Variants in RDH12 observed in about 807,000 individuals in gnomAD.
The protein encoded by RDH12 is all-trans and 9-cis retinol dehydrogenase.
In RDH12, 21 loss-of-function variants were observed where a neutral mutation model predicts 34.0. The ratio of observed to expected loss-of-function variants is 0.62; its 90% CI spans 0.44 to 0.89. The LOEUF (loss-of-function observed/expected upper bound fraction) is 0.89, where lower values mean the gene tolerates loss of function less well. RDH12 is among the 40% of genes least tolerant of loss of function. The pLI is 0.00. For synonymous variants in RDH12, 198 were observed against 169.9 expected (o/e 1.17, Z -1.29); for missense variants, 394 against 398.6 (o/e 0.99, Z 0.10).
intron 3 of RDH12, among the ~76,000 whole-genome samples, chr14:67,723,069 C>A (rs2038143890): frequency 6.6e-6 from 1 of 152,104 alleles, no homozygotes; most frequent in African/African-American, 2.4e-5. Flanking sequence ...AGACTCTGTC[C>A]CTATTCAGGG....
At position 67,733,697 on chromosome 14, in the gene RDH12, G is replaced by C. The variant is rs761622657; in HGVS notation, c.849-49G>C. On this transcript the variant is annotated intron_variant, in intron 8 of 8. Coordinates refer to ENST00000551171, the MANE Select transcript of RDH12 (RefSeq NM_152443.3). ...GAGAAAGGGACCATAAAGATTTCCA[G>C]ACTGCTAATTCTCATTCCTGGAATT... 6.4e-6 allele frequency: 8 copies of C among 1,254,928 alleles called. No individual in the cohort carries two copies. The South Asian group carries it at 9.6e-5, about 15-fold the overall frequency. 77.7% of individuals were successfully genotyped at this position (1,254,928 alleles called of 1,614,324 possible). A position where few individuals can be genotyped will look rare whatever the true frequency, so the allele number is the denominator to read the frequency against.
intron 1 of RDH12, among the ~76,000 whole-genome samples, chr14:67,720,484 C>T (rs1019530647): frequency 1.1e-4 from 17 of 152,186 alleles, no homozygotes; most frequent in African/African-American, 4.1e-4. Context: ...CTCATACTTA[C>T]GTCTTTGAGG....
At chr14:67,709,205 A>T (rs1369196763) in intron 1 of RDH12, among the ~76,000 whole-genome samples, 1 of 152,238 alleles carries the variant, frequency 6.6e-6, no homozygotes. Flanking sequence ...AAATAGAATT[A>T]ATAGGTCATT....
At chr14:67,717,951 T>G (rs1312044101) in intron 1 of RDH12, 1 of 152,206 alleles carries the variant, frequency 6.6e-6, no homozygotes, top group Non-Finnish European at 1.5e-5. Context: ...TAAGGGTTGC[T>G]GATCCCTTGA....
At position 67,725,155 on chromosome 14, in the gene RDH12, GA is replaced by G; in HGVS notation, c.247del (p.Ile83SerfsTer40). The G allele has an allele frequency of 6.2e-7, 1 of 1,614,206 alleles. No individual in the cohort carries two copies. Among genetic ancestry groups the G allele is most frequent in the Non-Finnish European group, 8.5e-7 (1 of 1,180,028 alleles). Reference protein sequence around the residue: ...DVLKGESAASEIRVDTKNSQV... With the variant: ...DVLKGESAASXIRVDTKNSQV... ...ACTGAAGGGGGAGTCTGCTGCCAGT[GA>G]AATCCGAGTGGATACAAAGAACTCC... On this transcript the variant is annotated frameshift_variant, in exon 5 of 9. Coordinates refer to ENST00000551171, the MANE Select transcript of RDH12 (RefSeq NM_152443.3). LOFTEE classifies it high-confidence loss of function.
At position 67,720,061 on chromosome 14, in the gene RDH12, C is replaced by A. The variant is rs117133461; in HGVS notation, c.-274-787C>A. 4.4e-3 allele frequency among the ~76,000 whole-genome samples: 670 copies of A among 152,332 alleles called. 35 individuals are homozygous for A. The East Asian group carries it at 0.1, about 24-fold the overall frequency. On this transcript the variant is annotated intron_variant, in intron 1 of 8. Coordinates refer to ENST00000551171, the MANE Select transcript of RDH12 (RefSeq NM_152443.3). ...GACTCTCCCACGAGCAATGCATCAGCATTATTTCTTCACATGCTTGCCAGT... is the reference window on the plus strand; with the variant it reads ...GACTCTCCCACGAGCAATGCATCAGAATTATTTCTTCACATGCTTGCCAGT...
intron 8 of RDH12, 160 bp downstream of exon 8, chr14:67,729,540 T>C (rs145398788): frequency 0.013 from 9,160 of 723,106 alleles, 87 homozygotes; most frequent in Non-Finnish European, 0.018. Context: ...TAAGGAAACT[T>C]ACAGTACAAA....
At chr14:67,712,591 T>A (rs1371548932) in intron 1 of RDH12, among the ~76,000 whole-genome samples, 1 of 151,960 alleles carries the variant, frequency 6.6e-6, no homozygotes, top group African/African-American at 2.4e-5. Context: ...CCTTGGATGT[T>A]AGCTTTTAAT....
In RDH12 at chr14:67,727,098, A is replaced by G; in HGVS notation, c.566A>G (p.Gln189Arg). The G allele has an allele frequency of 6.2e-7, 1 of 1,614,216 alleles. No individual in the cohort carries two copies. The highest frequency in any genetic ancestry group is 8.5e-7 in the Non-Finnish European group (1 of 1,180,048). The change falls in exon 7 of 9, where the codon CAG (glutamine) becomes CGG (arginine). Residue 189 changes from glutamine (Q) to arginine (R), a missense_variant. Transcript: ENST00000551171. The part of the protein sequence containing the change: ...HIGKIPFHDL[Q>R]SEKRYSRGFA... ...GGCAAGATTCCCTTCCACGACCTCC[A>G]GAGCGAGAAGCGCTACAGCAGGGGT...
chr14:67,710,707 C>CT lies in RDH12; in HGVS notation c.-275+8780dup, dbSNP rs1196882563. ...CTTTGAATTAGACAAAAATTTTTCA[C>CT]TTTTTTTTAAAGGACACACTTTTTT... is the stretch of plus-strand genomic sequence containing the variant. On this transcript the variant is annotated intron_variant, in intron 1 of 8. Transcript: ENST00000551171. Among the ~76,000 whole-genome samples, 9 of 151,148 alleles carry CT rather than the reference C, an allele frequency of 6.0e-5. No individual in the cohort carries two copies. The East Asian group carries it at 9.7e-4, about 16-fold the overall frequency.
intron 1 of RDH12, chr14:67,706,177 C>T (rs1117516): frequency 0.45 from 68,197 of 152,120 alleles, 17,850 homozygotes; most frequent in Non-Finnish European, 0.61. Flanking sequence ...AAAATACAGG[C>T]GCTGATCAGT....
rs991387279 is a variant in RDH12, at chr14:67,725,014, T to A, written c.188-85T>A. ...AGGATGGCTGGGAGAATGAATGCTC[T>A]GTCCCCCAGTCCCAAGCTCACTTAC... On this transcript the variant is annotated intron_variant, in intron 4 of 8. Coordinates refer to ENST00000551171, the MANE Select transcript of RDH12 (RefSeq NM_152443.3). 4.9e-6 allele frequency: 7 copies of A among 1,440,096 alleles called. No individual in the cohort carries two copies. In the Admixed American group the frequency reaches 8.4e-5, roughly 17 times the overall value. 89.2% of individuals were successfully genotyped at this position (1,440,096 alleles called of 1,614,324 possible).
chr14:67,712,788 A>G (rs932161386), intron 1 of RDH12, among the ~76,000 whole-genome samples: 5 of 152,192 alleles, frequency 3.3e-5, no homozygotes, highest in African/African-American at 1.2e-4. Context: ...TAGCTATTGA[A>G]CTACAGGGTG....
rs376122737 is a variant in RDH12, at chr14:67,715,472, G to A, written c.-274-5376G>A. Among the ~76,000 whole-genome samples the A allele has an allele frequency of 3.0e-4, 46 of 152,290 alleles. 1 individual carries two copies. The highest frequency in any genetic ancestry group is 1.1e-3 in the African/African-American group (45 of 41,562). On this transcript the variant is annotated intron_variant, in intron 1 of 8. Transcript: ENST00000551171. The stretch of plus-strand genomic sequence containing the variant: ...ACCGATTGCTGTAAGCCCTTGAGTT[G>A]GCAGAAGCTTTGCACAGCTTTGCCC...
At position 67,722,519 on chromosome 14, in the gene RDH12, A is replaced by C; in HGVS notation, c.-124A>C. 2 of 825,096 alleles carry C rather than the reference A, an allele frequency of 2.4e-6. No homozygotes were observed. Among genetic ancestry groups the C allele is most frequent in the Non-Finnish European group, 4.3e-6 (2 of 461,232 alleles). The allele number at this position is 825,096 out of a possible 1,614,324, so 51.1% of individuals were successfully genotyped here. ...GTCAGGCTGCTGCTCAGCACCCAGG[A>C]CGGAGAGGAGCAGAGAAGCAGCAGA... On this transcript the variant is annotated 5_prime_UTR_variant, in exon 3 of 9. Coordinates refer to ENST00000551171, the MANE Select transcript of RDH12 (RefSeq NM_152443.3).
chr14:67,719,285 C>A (rs183938815), intron 1 of RDH12, among the ~76,000 whole-genome samples: 2 of 152,198 alleles, frequency 1.3e-5, no homozygotes, highest in African/African-American at 2.4e-5. Context: ...TAATCAGTAA[C>A]CTGACAATTA....
At chr14:67,713,397 C>CAT (rs1491446521) in intron 1 of RDH12, among the ~76,000 whole-genome samples, 3 of 47,630 alleles carry the variant, frequency 6.3e-5, no homozygotes, top group African/African-American at 2.2e-4. Flanking sequence ...AGTAAAACTC[C>CAT]AAAAAAAAAA....
chr14:67,722,689 A>G lies in RDH12; in HGVS notation c.47A>G (p.Tyr16Cys). Residue 16 changes from tyrosine (Y) to cysteine (C), a missense_variant, in exon 3 of 9, where the codon TAT (tyrosine) becomes TGT (cysteine). Coordinates refer to ENST00000551171, the MANE Select transcript of RDH12 (RefSeq NM_152443.3). ...CTCACCTCCTTCTTCTCGTTCCTGT[A>G]TATGGTAGCTCCATCCATCAGGTTT... ...GLLTSFFSFL[Y>C]MVAPSIRKFF... The G allele has an allele frequency of 6.2e-7, 1 of 1,613,894 alleles. No individual in the cohort carries two copies. Among genetic ancestry groups the G allele is most frequent in the Non-Finnish European group, 8.5e-7 (1 of 1,179,792 alleles).
At chr14:67,726,680 T>C (rs886789031) in intron 6 of RDH12, among the ~76,000 whole-genome samples, 5 of 152,228 alleles carry the variant, frequency 3.3e-5, no homozygotes, top group Non-Finnish European at 7.3e-5. Flanking sequence ...TACACAAGTG[T>C]ACCTGGGTCC....
Sources: allele counts gnomAD v4.1 joint callset (sites outside exome capture counted in the v4.1 genomes callset), GRCh38; gene constraint gnomAD v4.1.1; transcripts MANE v1.5; gene names NCBI Gene and HGNC (gene_info 2026-07-23, HGNC 2026-07-21).